FHIT: variants seen among roughly 807,000 people sequenced by gnomAD.
FHIT encodes the protein fragile histidine triad diadenosine triphosphatase, also known as bis(5'-adenosyl)-triphosphatase.
A neutral mutation model predicts 17.9 loss-of-function variants in FHIT; 19 were observed. The ratio of observed to expected loss-of-function variants is 1.06; its 90% CI spans 0.74 to 1.56. The LOEUF is 1.56. FHIT is among the 40% of genes most tolerant of loss of function. The probability of loss-of-function intolerance (pLI) is 0.00; values close to 1 mark genes in which losing one functional copy is unlikely to be tolerated. For synonymous variants in FHIT, 81 were observed against 69.7 expected, an observed-to-expected ratio of 1.16 and a Z score of -0.81; for missense variants, 248 against 189.2, an observed-to-expected ratio of 1.31 and a Z score of -1.82.
At chr3:60,108,827 C>T (rs116154906) in intron 5 of FHIT, among the ~76,000 whole-genome samples, 2,455 of 152,192 alleles carry the variant, frequency 0.016, 75 homozygotes, top group African/African-American at 0.056. Flanking sequence ...CCAAGCCCAG[C>T]TAATTTTACA....
intron 4 of FHIT, among the ~76,000 whole-genome samples, chr3:60,747,945 C>T (rs186874989): frequency 6.6e-6 from 1 of 152,190 alleles, no homozygotes; most frequent in African/African-American, 2.4e-5. Flanking sequence ...TGTGCAAGTG[C>T]ATCTCAGTGT....
At position 61,200,839 on chromosome 3, in the gene FHIT, T is replaced by C. The variant is rs1172719351; in HGVS notation, c.-212-174A>G. Among the ~76,000 whole-genome samples the C allele has an allele frequency of 7.2e-5, 11 of 152,164 alleles. No homozygotes were observed. In the East Asian group the frequency reaches 2.1e-3, roughly 29 times the overall value. ...CGCACAAGAGGCCAAAAAAAGACAG[T>C]CAGAAACTGAAAATGGTGCACACAT... On this transcript the variant is annotated intron_variant, in intron 1 of 9. Transcript: ENST00000492590.
intron 2 of FHIT, among the ~76,000 whole-genome samples, chr3:61,048,517 T>A (rs1004719044): frequency 6.6e-6 from 1 of 152,196 alleles, no homozygotes; most frequent in African/African-American, 2.4e-5. Context: ...GGAACACTTT[T>A]ACACTGCTGG....
chr3:59,862,143 G>A (rs563595713), intron 8 of FHIT, among the ~76,000 whole-genome samples: 1 of 152,198 alleles, frequency 6.6e-6, no homozygotes, highest in Admixed American at 6.5e-5. Flanking sequence ...AAGAAAAAGA[G>A]GTTTAATGGA....
At chr3:60,044,449 C>T (rs1701567739) in intron 5 of FHIT, among the ~76,000 whole-genome samples, 1 of 152,188 alleles carries the variant, frequency 6.6e-6, no homozygotes, top group South Asian at 2.1e-4. Context: ...AAGCCTTCCT[C>T]ACAATGTTGC....
intron 7 of FHIT, among the ~76,000 whole-genome samples, chr3:59,950,872 G>C (rs1559491897): frequency 6.6e-6 from 1 of 152,300 alleles, no homozygotes; most frequent in East Asian, 1.9e-4. Context: ...CCATAAATGA[G>C]ACAATTTGAC....
intron 5 of FHIT, among the ~76,000 whole-genome samples, chr3:60,250,491 T>C (rs1482838623): frequency 6.6e-6 from 1 of 152,180 alleles, no homozygotes; most frequent in Admixed American, 6.5e-5. Flanking sequence ...GGTGACTTGT[T>C]AGCAAAGTTC....
At chr3:60,457,419 C>A (rs1431375537) in intron 5 of FHIT, among the ~76,000 whole-genome samples, 1 of 151,948 alleles carries the variant, frequency 6.6e-6, no homozygotes, top group Non-Finnish European at 1.5e-5. Flanking sequence ...ACACCTTATA[C>A]AAAAATGAAT....
At chr3:60,710,306 G>C (rs1469073966) in intron 4 of FHIT, among the ~76,000 whole-genome samples, 1 of 152,200 alleles carries the variant, frequency 6.6e-6, no homozygotes, top group Non-Finnish European at 1.5e-5. Context: ...GATGTCCGAA[G>C]AGGAACAGCT....
chr3:61,114,359 T>C (rs1316045745), intron 2 of FHIT, among the ~76,000 whole-genome samples: 1 of 152,216 alleles, frequency 6.6e-6, no homozygotes, highest in African/African-American at 2.4e-5. Context: ...AATAACATTT[T>C]GTCTTATTAA....
intron 2 of FHIT, among the ~76,000 whole-genome samples, chr3:61,173,030 T>C (rs900654409): frequency 1.3e-5 from 2 of 152,152 alleles, no homozygotes; most frequent in Non-Finnish European, 2.9e-5. Context: ...AATACTACCA[T>C]GGAGGAGACA....
chr3:59,962,977 C>T (rs1707754876), intron 7 of FHIT, among the ~76,000 whole-genome samples: 1 of 152,128 alleles, frequency 6.6e-6, no homozygotes, highest in Non-Finnish European at 1.5e-5. Flanking sequence ...ATGTATTGGC[C>T]AGGTGCAGTG....
chr3:60,716,221 G>A (rs2041679183), intron 4 of FHIT, among the ~76,000 whole-genome samples: 1 of 151,668 alleles, frequency 6.6e-6, no homozygotes, highest in Admixed American at 6.6e-5. Context: ...CTCCAGCCTG[G>A]GCAACAGAGT....
chr3:60,273,998 A>T (rs1249451720), intron 5 of FHIT, among the ~76,000 whole-genome samples: 1 of 152,212 alleles, frequency 6.6e-6, no homozygotes, highest in African/African-American at 2.4e-5. Flanking sequence ...AAAGAACACA[A>T]CTATGACAAA....
In FHIT at chr3:60,098,820, CT is replaced by C. The variant is rs55713831; in HGVS notation, c.104-84669del. Reference sequence around the variant, plus strand: ...TTAACTGATTGTGTTATCAGTAAGGCTTCTGGTAAACAGTAGTCAAATTTTG... The same window carrying C: ...TTAACTGATTGTGTTATCAGTAAGGCTCTGGTAAACAGTAGTCAAATTTTG... On this transcript the variant is annotated intron_variant, in intron 5 of 9. Coordinates refer to ENST00000492590, the MANE Select transcript of FHIT (RefSeq NM_002012.4). Among the ~76,000 whole-genome samples the C allele has an allele frequency of 0.012, 1,849 of 152,176 alleles. 92 individuals are homozygous for C. In the East Asian group the frequency reaches 0.18, roughly 15 times the overall value.
chr3:61,137,713 A>G (rs1170796104), intron 2 of FHIT, among the ~76,000 whole-genome samples: 2 of 152,224 alleles, frequency 1.3e-5, no homozygotes, highest in African/African-American at 2.4e-5. Context: ...AAATTTATTT[A>G]TAAGGACATA....
intron 1 of FHIT, among the ~76,000 whole-genome samples, chr3:61,209,538 ACTTCT>A (rs1261531563): frequency 1.1e-4 from 16 of 151,728 alleles, no homozygotes; most frequent in African/African-American, 3.9e-4. Context: ...TTTTTTCTAA[ACTTCT>A]CTTCTCGCTT....
At chr3:60,111,152 T>TAGTAGAGAGA in intron 5 of FHIT, among the ~76,000 whole-genome samples, 1 of 152,212 alleles carries the variant, frequency 6.6e-6, no homozygotes, top group Non-Finnish European at 1.5e-5. Flanking sequence ...GTTGTTTCTC[T>TAGTAGAGAGA]ACTAAAGAAT....
intron 5 of FHIT, among the ~76,000 whole-genome samples, chr3:60,456,924 T>C (rs1413150172): frequency 6.6e-6 from 1 of 152,002 alleles, no homozygotes; most frequent in East Asian, 1.9e-4. Flanking sequence ...CTCAATGAAA[T>C]AAAAGAGGAT....
Sources: gnomAD v4.1 joint callset for allele counts (sites outside exome capture counted in the v4.1 genomes callset) on GRCh38, gnomAD v4.1.1 for gene constraint, MANE v1.5 for transcripts, NCBI Gene and HGNC (gene_info 2026-07-23, HGNC 2026-07-21) for gene names.